Variants in REV1 observed in about 807,000 individuals in gnomAD.
REV1 encodes the protein translesion synthesis protein REV1.
REV1 carries 42 observed loss-of-function variants against 137.4 expected under a neutral mutation model. The ratio of observed to expected loss-of-function variants is 0.31; its 90% CI spans 0.24 to 0.40. REV1 has a LOEUF of 0.40. Among genes scored for constraint, REV1 ranks in the 10% least tolerant of loss-of-function variants. REV1 has a pLI of 1.00. For synonymous variants in REV1, 524 were observed against 519.2 expected (o/e 1.01, Z -0.12); for missense variants, 1,282 against 1,490.1 (o/e 0.86, Z 2.30).
chr2:99,422,198 A>T (rs1248188853), intron 10 of REV1, among the ~76,000 whole-genome samples: 1 of 152,234 alleles, frequency 6.6e-6, no homozygotes, highest in Admixed American at 6.5e-5. Flanking sequence ...TGCTTGTCTG[A>T]GAATAGTTAT....
At chr2:99,457,091 C>A (rs1387506465) in intron 3 of REV1, among the ~76,000 whole-genome samples, 1 of 152,170 alleles carries the variant, frequency 6.6e-6, no homozygotes, top group Admixed American at 6.5e-5. Flanking sequence ...GTTTCCTCTT[C>A]TGTGTTGGCA....
Position 99,410,886 on chromosome 2 carries a change from G to C in REV1, c.2173-19C>G. On this transcript the variant is annotated intron_variant, in intron 13 of 22. Transcript: ENST00000258428. ...CTTTTGGCTATGGAAAGACAAACGT[G>C]GAGAAACTACCATTCCACTTTCCTA... 6.4e-7 allele frequency: 1 copy of C among 1,567,820 alleles called. No individual in the cohort carries two copies. Among genetic ancestry groups the C allele is most frequent in the Non-Finnish European group, 8.6e-7 (1 of 1,165,368 alleles).
In REV1 at chr2:99,429,942, A is replaced by G. The variant is rs1165726734; in HGVS notation, c.1445T>C (p.Ile482Thr). The change falls in exon 9 of 23, where the codon ATA (isoleucine) becomes ACA (threonine). Residue 482 changes from isoleucine to threonine, a missense_variant. Transcript: ENST00000258428. ...ATTCTCCCACAATGATGAATCTGGT[A>G]TATCTGCTTTAAAAATAAAAAAAAA... ...NKILKGKAAD[I>T]PDSSLWENPD... 1.9e-6 allele frequency: 3 copies of G among 1,571,144 alleles called. No individual in the cohort carries two copies. Among genetic ancestry groups the G allele is most frequent in the Non-Finnish European group, 8.6e-7 (1 of 1,159,804 alleles).
At chr2:99,458,626 A>G (rs957236298) in intron 3 of REV1, among the ~76,000 whole-genome samples, 1 of 152,246 alleles carries the variant, frequency 6.6e-6, no homozygotes, top group Non-Finnish European at 1.5e-5. Context: ...TAGCCTACCA[A>G]GAAATAACTG....
intron 3 of REV1, among the ~76,000 whole-genome samples, chr2:99,455,914 T>G (rs566523916): frequency 1.3e-5 from 2 of 152,270 alleles, no homozygotes; most frequent in East Asian, 1.9e-4. Flanking sequence ...TTTCACAAAC[T>G]TCAGCAGTGC....
intron 1 of REV1, among the ~76,000 whole-genome samples, chr2:99,468,234 G>A (rs1351170444): frequency 6.6e-6 from 1 of 151,658 alleles, no homozygotes; most frequent in African/African-American, 2.4e-5. Flanking sequence ...GGCTGTTTCT[G>A]CTAATCAGCA....
chr2:99,438,529 C>G (rs770364551), intron 6 of REV1, 72 bp downstream of exon 6: 2 of 1,131,384 alleles, frequency 1.8e-6, no homozygotes, highest in Admixed American at 1.9e-5. Flanking sequence ...ACCAGAAATA[C>G]CAATAATAGC....
Position 99,464,999 on chromosome 2 carries a change from GAA to G in REV1, c.-10-16_-10-15del, listed in dbSNP as rs200733171. 15 of 1,487,220 alleles carry G rather than the reference GAA, an allele frequency of 1.0e-5. No homozygotes were observed. The highest frequency in any genetic ancestry group is 2.4e-5 in the East Asian group (1 of 41,176). The allele number at this position is 1,487,220 out of a possible 1,614,324, so 92.1% of individuals were successfully genotyped here. A position where few individuals can be genotyped will look rare whatever the true frequency, so the allele number is the denominator to read the frequency against. On this transcript the variant is annotated splice_polypyrimidine_tract_variant and intron_variant, in intron 1 of 22. Transcript: ENST00000258428. ...ATGGTGGAGCTTCTGTATTGGGGAG[GAA>G]AAAAAAAATGTCAATTTTATAACAT...
intron 1 of REV1, among the ~76,000 whole-genome samples, chr2:99,482,703 T>TA (rs1012111961): frequency 3.3e-5 from 5 of 152,140 alleles, no homozygotes; most frequent in Admixed American, 1.3e-4. Context: ...CGGCTGCACA[T>TA]ACACTAAAAT....
intron 8 of REV1, among the ~76,000 whole-genome samples, chr2:99,430,885 A>G (rs749977174): frequency 2.0e-5 from 3 of 152,200 alleles, no homozygotes; most frequent in Non-Finnish European, 4.4e-5. Context: ...CTAAAACCAC[A>G]ACCTCAGCCA....
At chr2:99,472,535 A>G (rs527847969) in intron 1 of REV1, among the ~76,000 whole-genome samples, 6 of 152,360 alleles carry the variant, frequency 3.9e-5, no homozygotes, top group South Asian at 2.1e-4. Flanking sequence ...TCGTACCACA[A>G]TTAAGAAGAA....
At chr2:99,427,742 C>A (rs1427921337) in intron 9 of REV1, among the ~76,000 whole-genome samples, 1 of 152,034 alleles carries the variant, frequency 6.6e-6, no homozygotes, top group African/African-American at 2.4e-5. Context: ...CAGAAAATCA[C>A]AATTAAGGGA....
intron 1 of REV1, among the ~76,000 whole-genome samples, chr2:99,465,867 T>G (rs1253565109): frequency 6.6e-6 from 1 of 152,234 alleles, no homozygotes. Context: ...ATGAGAATTT[T>G]TTACTTAACA....
chr2:99,444,863 G>A (rs1484416077), intron 4 of REV1, among the ~76,000 whole-genome samples: 2 of 152,018 alleles, frequency 1.3e-5, no homozygotes, highest in Admixed American at 6.6e-5. Context: ...TGTTCTAAGC[G>A]CAAAGGAACT....
At chr2:99,419,809 T>C (rs747717271) in intron 11 of REV1, among the ~76,000 whole-genome samples, 6 of 152,194 alleles carry the variant, frequency 3.9e-5, no homozygotes, top group African/African-American at 2.4e-5. Flanking sequence ...GCTCAGCTGC[T>C]AGGTGGGCTT....
intron 1 of REV1, among the ~76,000 whole-genome samples, chr2:99,466,099 G>A (rs577814278): frequency 1.4e-4 from 21 of 151,868 alleles, no homozygotes; most frequent in African/African-American, 4.8e-4. Flanking sequence ...CCGCCACCAC[G>A]CCCGATTATT....
At chr2:99,460,139 C>T (rs1684015206) in intron 3 of REV1, among the ~76,000 whole-genome samples, 2 of 152,162 alleles carry the variant, frequency 1.3e-5, no homozygotes, top group African/African-American at 2.4e-5. Flanking sequence ...TGCAGTGGCG[C>T]AATCTCGGCT....
Position 99,410,675 on chromosome 2 carries a change from C to A in REV1, c.2345+20G>T. 6.4e-7 allele frequency: 1 copy of A among 1,563,544 alleles called. No homozygotes were observed. Among genetic ancestry groups the A allele is most frequent in the South Asian group, 1.2e-5 (1 of 82,664 alleles). On this transcript the variant is annotated intron_variant, in intron 14 of 22. Transcript: ENST00000258428. ...TGTACTGAAATATAATTACCAATAT[C>A]ATTTCTGAGGTGAGCTTACCTGGCA...
chr2:99,430,121 C>T (rs897008760), intron 8 of REV1, among the ~76,000 whole-genome samples, 173 bp from the exon 9 acceptor site: 3 of 151,946 alleles, frequency 2.0e-5, no homozygotes, highest in East Asian at 3.9e-4. Context: ...TAAAATGGTT[C>T]GCTTCCATTA....
Sources: allele counts gnomAD v4.1 joint callset (sites outside exome capture counted in the v4.1 genomes callset), GRCh38; gene constraint gnomAD v4.1.1; transcripts MANE v1.5; gene names NCBI Gene and HGNC (gene_info 2026-07-23, HGNC 2026-07-21).